TCERG1L: variants seen among roughly 807,000 people sequenced by gnomAD.
TCERG1L encodes the protein transcription elongation regulator 1 like.
In TCERG1L, 37 loss-of-function variants were observed where a neutral mutation model predicts 56.3. The ratio of observed to expected loss-of-function variants is 0.66; its 90% CI spans 0.51 to 0.87. TCERG1L has a LOEUF of 0.87. TCERG1L is among the 40% of genes least tolerant of loss of function. The pLI, the probability that TCERG1L is intolerant of heterozygous loss-of-function variation, is 0.00. For synonymous variants in TCERG1L, 324 were observed against 326.3 expected (o/e 0.99, Z 0.08); for missense variants, 799 against 774.2 (o/e 1.03, Z -0.38).
intron 9 of TCERG1L, among the ~76,000 whole-genome samples, chr10:131,109,459 A>ACTGTGGCTGTGT (rs1232536602): frequency 1.3e-5 from 2 of 151,646 alleles, no homozygotes; most frequent in East Asian, 3.9e-4. Flanking sequence ...TGTGTCTGTG[A>ACTGTGGCTGTGT]CTGTGGCTGT....
chr10:131,269,079 C>A (rs1057333521), intron 3 of TCERG1L, among the ~76,000 whole-genome samples: 1 of 152,348 alleles, frequency 6.6e-6, no homozygotes, highest in East Asian at 1.9e-4. Flanking sequence ...CTTCTTCACT[C>A]AGCTTAATTA....
intron 4 of TCERG1L, among the ~76,000 whole-genome samples, chr10:131,216,120 T>C (rs1349692413): frequency 6.6e-6 from 1 of 152,116 alleles, no homozygotes; most frequent in African/African-American, 2.4e-5. Context: ...ATAAAAACAG[T>C]TTCACATTAG....
intron 9 of TCERG1L, among the ~76,000 whole-genome samples, chr10:131,116,579 C>T (rs1250265605): frequency 2.6e-5 from 4 of 152,220 alleles, no homozygotes; most frequent in South Asian, 2.1e-4. Context: ...TCAGCACAAT[C>T]AGGAACTTAG....
Position 131,311,169 on chromosome 10 carries a change from T to G in TCERG1L, c.342+125A>C. ...GGCTGCCGGGCTCCGTCCTGAGGGT[T>G]TGGGGCGGCGAGGACCGCCGGGGAG... On this transcript the variant is annotated intron_variant, in intron 1 of 11. Coordinates refer to ENST00000368642, the MANE Select transcript of TCERG1L (RefSeq NM_174937.4). The surrounding 1 kb of genome is among the most constrained non-coding windows in gnomAD (Gnocchi z 4.0). 6.9e-6 allele frequency: 5 copies of G among 720,086 alleles called. No homozygotes were observed. The highest frequency in any genetic ancestry group is 9.2e-6 in the Non-Finnish European group (5 of 542,676). The allele number at this position is 720,086 out of a possible 1,614,324, so 44.6% of individuals were successfully genotyped here. A position where few individuals can be genotyped will look rare whatever the true frequency, so the allele number is the denominator to read the frequency against.
At chr10:131,147,410 G>A (rs1030448067) in intron 6 of TCERG1L, among the ~76,000 whole-genome samples, 1 of 152,332 alleles carries the variant, frequency 6.6e-6, no homozygotes, top group African/African-American at 2.4e-5. Context: ...GCGGCATGGA[G>A]GTGCACGGGA....
At chr10:131,270,494 T>C (rs532226069) in intron 3 of TCERG1L, among the ~76,000 whole-genome samples, 4 of 152,356 alleles carry the variant, frequency 2.6e-5, no homozygotes, top group South Asian at 2.1e-4. Context: ...CCCACAAGGA[T>C]GGCTTATAAA....
At chr10:131,285,528 G>GAAAGA (rs1554899545) in intron 3 of TCERG1L, among the ~76,000 whole-genome samples, 2 of 14,394 alleles carry the variant, frequency 1.4e-4, no homozygotes, top group South Asian at 3.0e-3. Flanking sequence ...AAGAAAGAGA[G>GAAAGA]AAAGAAAAGA....
intron 4 of TCERG1L, among the ~76,000 whole-genome samples, chr10:131,257,760 T>A (rs536034443): frequency 1.9e-4 from 29 of 152,248 alleles, no homozygotes; most frequent in Admixed American, 1.5e-3. Context: ...ACATGGATAG[T>A]CACACTGCCA....
chr10:131,177,264 C>CA (rs1166244133), intron 4 of TCERG1L, among the ~76,000 whole-genome samples: 3 of 152,226 alleles, frequency 2.0e-5, no homozygotes, highest in Non-Finnish European at 4.4e-5. Context: ...CAGGCACACA[C>CA]ATGCCCACGC....
chr10:131,134,632 C>A (rs909974039), intron 7 of TCERG1L, among the ~76,000 whole-genome samples, 184 bp from the exon 8 acceptor site: 1 of 152,352 alleles, frequency 6.6e-6, no homozygotes, highest in East Asian at 1.9e-4. Context: ...TTCAGCAGAA[C>A]AGAAATCTGA....
chr10:131,243,534 A>G (rs1845996059), intron 4 of TCERG1L, among the ~76,000 whole-genome samples: 1 of 152,242 alleles, frequency 6.6e-6, no homozygotes, highest in South Asian at 2.1e-4. Context: ...ACTGCACTCC[A>G]GCACTCCAGA....
intron 3 of TCERG1L, among the ~76,000 whole-genome samples, chr10:131,272,040 G>A (rs1465944726): frequency 6.6e-6 from 1 of 152,200 alleles, no homozygotes; most frequent in Non-Finnish European, 1.5e-5. Flanking sequence ...AAGCTTCACA[G>A]GGAGATAAGC....
rs190355937 is a variant in TCERG1L, at chr10:131,127,631, T to C, written c.1259+6748A>G. On this transcript the variant is annotated intron_variant, in intron 8 of 11. Coordinates refer to ENST00000368642, the MANE Select transcript of TCERG1L (RefSeq NM_174937.4). ...CAGGGAATGGAGGGGCAGGTTCAGA[T>C]AGAGTGCAATGCAGAGCGAAGGGAC... 2.0e-3 allele frequency among the ~76,000 whole-genome samples: 303 copies of C among 152,202 alleles called. 1 individual carries two copies. Among genetic ancestry groups the C allele is most frequent in the African/African-American group, 7.1e-3 (293 of 41,514 alleles).
chr10:131,151,631 G>A (rs1055105221), intron 6 of TCERG1L, among the ~76,000 whole-genome samples: 8 of 152,136 alleles, frequency 5.3e-5, no homozygotes, highest in Admixed American at 4.6e-4. Flanking sequence ...AGCTGTAGGT[G>A]AATCTACCAT....
At chr10:131,163,080 C>G in intron 6 of TCERG1L, 42 bp downstream of exon 6, 1 of 1,447,550 alleles carries the variant, frequency 6.9e-7, no homozygotes, top group African/African-American at 1.4e-5. Flanking sequence ...CAGGACCAGA[C>G]AACGCCATTG....
chr10:131,203,438 C>A (rs1214148950), intron 4 of TCERG1L, among the ~76,000 whole-genome samples: 1 of 152,164 alleles, frequency 6.6e-6, no homozygotes, highest in African/African-American at 2.4e-5. Flanking sequence ...GACCAGACAG[C>A]AAACTGCCTC....
chr10:131,231,090 T>C (rs1421567267), intron 4 of TCERG1L, among the ~76,000 whole-genome samples: 1 of 150,696 alleles, frequency 6.6e-6, no homozygotes, highest in South Asian at 2.1e-4. Flanking sequence ...GCAGTGGCCA[T>C]GTTGGCCGGC....
In TCERG1L at chr10:131,120,504, C is replaced by T. The variant is rs1036829868; in HGVS notation, c.1260-3570G>A. 3.9e-5 allele frequency among the ~76,000 whole-genome samples: 6 copies of T among 152,340 alleles called. No homozygotes were observed. The East Asian group carries it at 9.7e-4, about 25-fold the overall frequency. On this transcript the variant is annotated intron_variant, in intron 8 of 11. Coordinates refer to ENST00000368642, the MANE Select transcript of TCERG1L (RefSeq NM_174937.4). ...AACCATCCTGAGGTCAGAACCATTGCCCTGGCAGAGAAATGACAAACACCA... is the reference window on the plus strand; with the variant it reads ...AACCATCCTGAGGTCAGAACCATTGTCCTGGCAGAGAAATGACAAACACCA...
At chr10:131,269,202 T>C (rs113470187) in intron 3 of TCERG1L, among the ~76,000 whole-genome samples, 2 of 42,838 alleles carry the variant, frequency 4.7e-5, no homozygotes, top group Admixed American at 4.9e-4. Flanking sequence ...TTGTTTGTTT[T>C]TTCATATGGA....
Sources: allele counts gnomAD v4.1 joint callset (sites outside exome capture counted in the v4.1 genomes callset), GRCh38; gene constraint gnomAD v4.1.1; non-coding constraint Gnocchi (gnomAD v3.1); transcripts MANE v1.5; gene names NCBI Gene and HGNC (gene_info 2026-07-23, HGNC 2026-07-21).